The following EVL variants were observed in gnomAD, a reference collection of about 807,000 sequenced individuals.
EVL encodes ena/VASP-like protein.
A neutral mutation model predicts 59.6 loss-of-function variants in EVL; 21 were observed. The ratio of observed to expected loss-of-function variants is 0.35; its 90% CI spans 0.25 to 0.51. EVL has a LOEUF of 0.51. Among genes scored for constraint, EVL ranks in the 20% least tolerant of loss-of-function variants. The pLI, the probability that EVL is intolerant of heterozygous loss-of-function variation, is 0.97. For synonymous variants in EVL, 198 were observed against 203.5 expected, an observed-to-expected ratio of 0.97 and a Z score of 0.23; for missense variants, 462 against 546.6, an observed-to-expected ratio of 0.85 and a Z score of 1.54.
Position 100,128,756 on chromosome 14 carries a change from C to T in EVL, c.717+8C>T, listed in dbSNP as rs779892342. ...CTGAGAAGAGTCCAACGGGTAAGAG[C>T]TCCTGTGTGCGGGGTGGGAATGGGA... On this transcript the variant is annotated splice_region_variant and intron_variant, in intron 6 of 13. Transcript: ENST00000392920. 2.5e-6 allele frequency: 4 copies of T among 1,601,476 alleles called. No homozygotes were observed. Among genetic ancestry groups the T allele is most frequent in the African/African-American group, 2.7e-5 (2 of 75,008 alleles).
At chr14:100,136,047 CT>C (rs1337042707) in intron 9 of EVL, 79 bp downstream of exon 9, 1 of 1,496,262 alleles carries the variant, frequency 6.7e-7, no homozygotes, top group Non-Finnish European at 9.3e-7. Flanking sequence ...ACAGGACCCT[CT>C]GATCCAGCCT....
intron 1 of EVL, among the ~76,000 whole-genome samples, chr14:100,053,424 G>C (rs987440811): frequency 7.1e-6 from 1 of 141,716 alleles, no homozygotes; most frequent in African/African-American, 2.7e-5. Flanking sequence ...CTTTATCGTC[G>C]TTTTAAAATT....
chr14:100,039,110 G>A lies in EVL; in HGVS notation c.6-45577G>A, dbSNP rs2061430859. Reference sequence around the variant, plus strand: ...GAGCTTTTCAAAGTTAAACCTTGGGGACAGAGACCCTGTGGGAGACAAATA... The same window carrying A: ...GAGCTTTTCAAAGTTAAACCTTGGGAACAGAGACCCTGTGGGAGACAAATA... On this transcript the variant is annotated intron_variant, in intron 1 of 13. Coordinates refer to the EVL transcript ENST00000402714. Among the ~76,000 whole-genome samples, 3 of 152,196 alleles carry A rather than the reference G, an allele frequency of 2.0e-5. No homozygotes were observed. The South Asian group carries it at 6.2e-4, about 31-fold the overall frequency.
chr14:99,994,616 T>TAAA, intron 1 of EVL, among the ~76,000 whole-genome samples: 1 of 152,214 alleles, frequency 6.6e-6, no homozygotes, highest in Admixed American at 6.5e-5. Context: ...TTCATATCCA[T>TAAA]TAACAGACTT....
intron 1 of EVL, among the ~76,000 whole-genome samples, chr14:100,005,387 A>G (rs1293329158): frequency 6.6e-6 from 1 of 152,172 alleles, no homozygotes; most frequent in Non-Finnish European, 1.5e-5. Flanking sequence ...TATACAAGCA[A>G]AGATCATTCT....
intron 4 of EVL, 70 bp from the exon 5 acceptor site, chr14:100,126,637 A>G (rs539514514): frequency 1.3e-6 from 2 of 1,546,582 alleles, no homozygotes; most frequent in African/African-American, 1.4e-5. Flanking sequence ...CGGCGGGTAC[A>G]GCACAGGCAC....
At chr14:100,013,038 T>C (rs534247765) in intron 1 of EVL, among the ~76,000 whole-genome samples, 1 of 152,344 alleles carries the variant, frequency 6.6e-6, no homozygotes, top group East Asian at 1.9e-4. Context: ...GTGTATTTCT[T>C]GTCTGATGGA....
chr14:100,017,000 AG>A (rs1468448790), intron 1 of EVL, among the ~76,000 whole-genome samples: 1 of 152,218 alleles, frequency 6.6e-6, no homozygotes, highest in Non-Finnish European at 1.5e-5. Flanking sequence ...TTCTGGAGGC[AG>A]CCTGAGCTGG....
intron 1 of EVL, among the ~76,000 whole-genome samples, chr14:100,078,753 C>T (rs1353261501): frequency 6.6e-6 from 1 of 152,164 alleles, no homozygotes; most frequent in African/African-American, 2.4e-5. Flanking sequence ...GGGCAGCTCA[C>T]TCACCCTGGT....
intron 1 of EVL, among the ~76,000 whole-genome samples, chr14:100,037,411 C>T (rs970864762): frequency 6.6e-6 from 1 of 152,204 alleles, no homozygotes; most frequent in South Asian, 2.1e-4. Context: ...TTCATTCCCC[C>T]AGGTAGAGTT....
At chr14:100,029,254 A>G (rs1010822251) in intron 1 of EVL, among the ~76,000 whole-genome samples, 5 of 152,234 alleles carry the variant, frequency 3.3e-5, no homozygotes, top group Admixed American at 6.5e-5. Flanking sequence ...CAGAATACCA[A>G]CTTGGGTCTC....
chr14:100,072,772 C>T (rs1468765113), intron 1 of EVL, among the ~76,000 whole-genome samples: 2 of 152,060 alleles, frequency 1.3e-5, no homozygotes, highest in East Asian at 3.8e-4. Flanking sequence ...TTACATGTTC[C>T]TGTAGGTTTG....
intron 3 of EVL, among the ~76,000 whole-genome samples, chr14:100,120,441 C>G (rs1887624599): frequency 6.6e-6 from 1 of 152,214 alleles, no homozygotes; most frequent in African/African-American, 2.4e-5. Flanking sequence ...TCCCAAATTA[C>G]TGGAATATGG....
intron 3 of EVL, among the ~76,000 whole-genome samples, chr14:100,105,747 A>G (rs901414956): frequency 3.3e-5 from 5 of 151,946 alleles, no homozygotes; most frequent in Non-Finnish European, 7.4e-5. Context: ...CTGTAGAAGT[A>G]TTTGAGACAG....
At chr14:100,074,330 T>G (rs1313785103) in intron 1 of EVL, among the ~76,000 whole-genome samples, 2 of 152,180 alleles carry the variant, frequency 1.3e-5, no homozygotes, top group Non-Finnish European at 2.9e-5. Context: ...CCCTAAGTCT[T>G]GCCTCATATG....
chr14:100,141,894 A>C (rs1211080403), intron 13 of EVL, 101 bp downstream of exon 13: 1 of 971,628 alleles, frequency 1.0e-6, no homozygotes, highest in Non-Finnish European at 1.5e-6. Context: ...GCTGGAGCCC[A>C]TACTGCACTG....
chr14:100,009,154 G>A (rs1030881431), intron 1 of EVL, among the ~76,000 whole-genome samples: 4 of 152,134 alleles, frequency 2.6e-5, no homozygotes, highest in African/African-American at 9.7e-5. Context: ...ATTAAATGAA[G>A]GTTTTCATTT....
chr14:100,133,102 G>A (rs917431519), intron 8 of EVL, among the ~76,000 whole-genome samples: 1 of 152,234 alleles, frequency 6.6e-6, no homozygotes, highest in Non-Finnish European at 1.5e-5. Context: ...GGGTCTCGGC[G>A]GGACTGGGAC....
At chr14:99,980,405 C>T (rs1441083786) in intron 1 of EVL, among the ~76,000 whole-genome samples, 1 of 152,154 alleles carries the variant, frequency 6.6e-6, no homozygotes, top group Non-Finnish European at 1.5e-5. Context: ...CTCTAATTCT[C>T]AGAAAGTTAC....
Sources: gnomAD v4.1 joint callset for allele counts (sites outside exome capture counted in the v4.1 genomes callset) on GRCh38, gnomAD v4.1.1 for gene constraint, MANE v1.5 for transcripts, NCBI Gene and HGNC (gene_info 2026-07-23, HGNC 2026-07-21) for gene names.